The following RUSF1 variants were observed in gnomAD, a reference collection of about 807,000 sequenced individuals.
The protein encoded by RUSF1 is RUS1 family protein C16orf58.
Under a neutral mutation model 63.0 loss-of-function variants are expected in RUSF1, and 58 were observed. The observed-to-expected ratio is 0.92, with a 90% CI of 0.75 to 1.15. RUSF1 has a LOEUF of 1.15. Among genes scored for constraint, RUSF1 ranks in the 50% most tolerant of loss-of-function variants. The pLI is 0.00. For synonymous variants in RUSF1, 274 were observed against 255.8 expected (o/e 1.07, Z -0.68); for missense variants, 652 against 611.0 (o/e 1.07, Z -0.71).
intron 3 of RUSF1, among the ~76,000 whole-genome samples, chr16:31,500,299 T>C (rs761789770): frequency 2.0e-5 from 3 of 152,232 alleles, no homozygotes; most frequent in Non-Finnish European, 4.4e-5. Flanking sequence ...GGTTGAGGGT[T>C]CTGCCCAGTG....
At chr16:31,502,726 T>C (rs1031452407) in intron 2 of RUSF1, among the ~76,000 whole-genome samples, 5 of 152,250 alleles carry the variant, frequency 3.3e-5, no homozygotes, top group Non-Finnish European at 5.9e-5. Flanking sequence ...TCCCTCACTT[T>C]AACCTCTTCC....
intron 2 of RUSF1, among the ~76,000 whole-genome samples, chr16:31,503,947 C>A (rs1420633559): frequency 6.6e-6 from 1 of 152,218 alleles, no homozygotes; most frequent in Non-Finnish European, 1.5e-5. Context: ...TAGGCGTGAG[C>A]CACCGCACCT....
Position 31,493,008 on chromosome 16 carries a change from A to T in RUSF1, c.1057T>A (p.Ser353Thr), listed in dbSNP as rs1332685648. 6.2e-7 allele frequency: 1 copy of T among 1,613,598 alleles called. No homozygotes were observed. Among genetic ancestry groups the T allele is most frequent in the Non-Finnish European group, 8.5e-7 (1 of 1,179,644 alleles). ...LQQLVEGHQE[S>T]YLLCWDQSQN... The stretch of plus-strand genomic sequence containing the variant: ...GACTGGTCCCAGCAGAGGAGGTAGG[A>T]TTCTTGGTGCCCCTCAACCAGCTGC... Residue 353 changes from serine (S) to threonine (T), a missense_variant, in exon 10 of 13, where the codon TCC (serine) becomes ACC (threonine). Transcript: ENST00000327237.
chr16:31,497,010 T>C, intron 5 of RUSF1, 60 bp from the exon 6 acceptor site: 2 of 1,379,722 alleles, frequency 1.4e-6, no homozygotes, highest in Non-Finnish European at 2.0e-6. Context: ...ACACAGGCAC[T>C]CAGACCAGCT....
At chr16:31,507,483 G>A (rs1245221477) in intron 2 of RUSF1, among the ~76,000 whole-genome samples, 6 of 152,118 alleles carry the variant, frequency 3.9e-5, no homozygotes, top group Non-Finnish European at 5.9e-5. Context: ...CTTCCACAAA[G>A]AGAATAGGGA....
At chr16:31,495,332 G>A (rs542953424) in intron 6 of RUSF1, among the ~76,000 whole-genome samples, 10 of 152,174 alleles carry the variant, frequency 6.6e-5, no homozygotes, top group African/African-American at 2.4e-4. Flanking sequence ...GGGAATAAAC[G>A]CTGTGGGTGT....
chr16:31,502,699 G>A (rs2082638737), intron 2 of RUSF1, among the ~76,000 whole-genome samples: 1 of 152,204 alleles, frequency 6.6e-6, no homozygotes, highest in African/African-American at 2.4e-5. Flanking sequence ...CAACAAGGTG[G>A]ATTTACAGGC....
At chr16:31,492,794 G>A (rs1228930195) in intron 10 of RUSF1, among the ~76,000 whole-genome samples, 184 bp downstream of exon 10, 1 of 152,196 alleles carries the variant, frequency 6.6e-6, no homozygotes, top group African/African-American at 2.4e-5. Context: ...GGTACTGTTA[G>A]CTCTGTTTTA....
Position 31,491,050 on chromosome 16 carries a change from T to G in RUSF1, c.1310-118A>C. The G allele has an allele frequency of 8.9e-6, 8 of 899,676 alleles. No homozygotes were observed. The South Asian group carries it at 9.2e-5, about 10-fold the overall frequency. 55.7% of individuals were successfully genotyped at this position (899,676 alleles called of 1,614,324 possible). A position where few individuals can be genotyped will look rare whatever the true frequency, so the allele number is the denominator to read the frequency against. ...TCCCACTGCCTCTGCTGGGTGAGTA[T>G]GGCATAAAATGAGGCTGAAACCACA... On this transcript the variant is annotated intron_variant, in intron 12 of 12. Coordinates refer to ENST00000327237, the MANE Select transcript of RUSF1 (RefSeq NM_022744.4).
At position 31,496,792 on chromosome 16, in the gene RUSF1, G is replaced by A. The variant is rs114618170; in HGVS notation, c.702+57C>T. ...CCTGGGCCCTCCAGGGCACTCAAGT[G>A]GCTTCTCTCCCCTTCCCCTCCCCAC... is the stretch of plus-strand genomic sequence containing the variant. On this transcript the variant is annotated intron_variant, in intron 6 of 12. Coordinates refer to ENST00000327237, the MANE Select transcript of RUSF1 (RefSeq NM_022744.4). 1.6e-3 allele frequency: 2,203 copies of A among 1,419,558 alleles called. 25 individuals are homozygous for A. The African/African-American group carries it at 0.029, about 19-fold the overall frequency. The allele number at this position is 1,419,558 out of a possible 1,614,324, so 87.9% of individuals were successfully genotyped here.
intron 2 of RUSF1, among the ~76,000 whole-genome samples, chr16:31,504,701 A>G (rs1435695889): frequency 6.6e-6 from 1 of 152,244 alleles, no homozygotes; most frequent in African/African-American, 2.4e-5. Context: ...CTGTTCTTGT[A>G]GGGAAAAGAA....
chr16:31,490,711 G>A lies in RUSF1; in HGVS notation c.*124C>T. ...TCTGATTGGCAGTCACTTCCCATGA[G>A]GGCCTGGCCCACCCGCTGCAGTTGC... On this transcript the variant is annotated 3_prime_UTR_variant, in exon 13 of 13. Coordinates refer to ENST00000327237, the MANE Select transcript of RUSF1 (RefSeq NM_022744.4). 8.2e-7 allele frequency: 1 copy of A among 1,214,924 alleles called. No homozygotes were observed. The highest frequency in any genetic ancestry group is 1.3e-5 in the South Asian group (1 of 79,574). The allele number at this position is 1,214,924 out of a possible 1,614,324, so 75.3% of individuals were successfully genotyped here. A position where few individuals can be genotyped will look rare whatever the true frequency, so the allele number is the denominator to read the frequency against.
chr16:31,490,040 A>G lies in RUSF1; in HGVS notation c.*795T>C, dbSNP rs972155479. ...AGGCAGTGACGAGCTGGTGTGCAAG[A>G]GACTTTAGGGCCAGGCATGGGGGGA... On this transcript the variant is annotated 3_prime_UTR_variant, in exon 13 of 13. Transcript: ENST00000327237. The G allele has an allele frequency of 1.9e-6, 3 of 1,607,982 alleles. No homozygotes were observed. The highest frequency in any genetic ancestry group is 2.5e-6 in the Non-Finnish European group (3 of 1,178,182).
intron 2 of RUSF1, 71 bp downstream of exon 2, chr16:31,507,693 T>G: frequency 7.1e-7 from 1 of 1,399,134 alleles, no homozygotes; most frequent in Non-Finnish European, 9.9e-7. Context: ...TCCATACATA[T>G]ATACACATAA....
In RUSF1 at chr16:31,489,939, G is replaced by C; in HGVS notation, c.*896C>G. ...GCTTGGGGTTTATCCCGAGGGCACA[G>C]GGCAGCCATGTAGGGTGGAGTTGGC... On this transcript the variant is annotated 3_prime_UTR_variant, in exon 13 of 13. Coordinates refer to ENST00000327237, the MANE Select transcript of RUSF1 (RefSeq NM_022744.4). The C allele has an allele frequency of 1.1e-6, 1 of 884,368 alleles. No homozygotes were observed. The highest frequency in any genetic ancestry group is 1.5e-5 in the South Asian group (1 of 66,610). The allele number at this position is 884,368 out of a possible 1,614,324, so 54.8% of individuals were successfully genotyped here.
intron 6 of RUSF1, 116 bp from the exon 7 acceptor site, chr16:31,494,052 C>T: frequency 8.8e-7 from 1 of 1,136,770 alleles, no homozygotes; most frequent in Non-Finnish European, 1.3e-6. Flanking sequence ...CTCCTTACTG[C>T]AATGTGGGTA....
At chr16:31,500,825 G>GT in intron 2 of RUSF1, 94 bp from the exon 3 acceptor site, 1 of 1,347,960 alleles carries the variant, frequency 7.4e-7, no homozygotes, top group South Asian at 1.4e-5. Context: ...AATTCACTGA[G>GT]TCACTGCCTT....
At chr16:31,494,024 C>A (rs1173665045) in intron 6 of RUSF1, 88 bp from the exon 7 acceptor site, 2 of 1,360,504 alleles carry the variant, frequency 1.5e-6, no homozygotes, top group African/African-American at 2.9e-5. Context: ...ATCCTCCCTG[C>A]TCCACAACCT....
chr16:31,490,768 T>C lies in RUSF1; in HGVS notation c.*67A>G, dbSNP rs1332789403. ...GAAAAATAAAGCTGCCTTTCCCCTG[T>C]CCTGCTGTGGCCAAAGTGTCCTTGC... On this transcript the variant is annotated 3_prime_UTR_variant, in exon 13 of 13. Coordinates refer to ENST00000327237, the MANE Select transcript of RUSF1 (RefSeq NM_022744.4). 6.4e-7 allele frequency: 1 copy of C among 1,552,834 alleles called. No individual in the cohort carries two copies. Among genetic ancestry groups the C allele is most frequent in the African/African-American group, 1.4e-5 (1 of 73,504 alleles).
Sources: gnomAD v4.1 joint callset for allele counts (sites outside exome capture counted in the v4.1 genomes callset) on GRCh38, gnomAD v4.1.1 for gene constraint, MANE v1.5 for transcripts, NCBI Gene and HGNC (gene_info 2026-07-23, HGNC 2026-07-21) for gene names.